The following PANK4 variants were observed in gnomAD, a reference collection of about 807,000 sequenced individuals.
PANK4 encodes the protein pantothenate kinase 4 (inactive).
PANK4 carries 40 observed loss-of-function variants against 87.9 expected under a neutral mutation model. The observed-to-expected ratio is 0.46, with a 90% CI of 0.35 to 0.59. The LOEUF is 0.59. Ranked by LOEUF, PANK4 falls within the 20% of genes least tolerant of loss-of-function variation. The pLI is 0.00. For synonymous variants in PANK4, 524 were observed against 467.4 expected (o/e 1.12, Z -1.56); for missense variants, 926 against 1,072.3 (o/e 0.86, Z 1.90).
Position 2,509,259 on chromosome 1 carries a change from G to C in PANK4, c.2109-199C>G, listed in dbSNP as rs769907408. 1.1e-4 allele frequency among the ~76,000 whole-genome samples: 16 copies of C among 152,344 alleles called. No homozygotes were observed. The highest frequency in any genetic ancestry group is 2.2e-4 in the Non-Finnish European group (15 of 68,024). ...CAGCAGCTCACACAGGGCCAGAGCAGCTGCAGCTTGGAAACTCTGCCCTAG... is the reference window on the plus strand; with the variant it reads ...CAGCAGCTCACACAGGGCCAGAGCACCTGCAGCTTGGAAACTCTGCCCTAG... On this transcript the variant is annotated intron_variant, in intron 18 of 18. Transcript: ENST00000378466. This position sits in a 1 kb window ranked among gnomAD's most constrained non-coding sequence, Gnocchi z 4.9.
intron 11 of PANK4, 119 bp from the exon 12 acceptor site, chr1:2,514,208 C>A: frequency 8.8e-7 from 1 of 1,140,146 alleles, no homozygotes; most frequent in Non-Finnish European, 1.3e-6. Context: ...CTGCTTGAGG[C>A]GGGGTCCAAG....
In PANK4 at chr1:2,519,707, T is replaced by G; in HGVS notation, c.853+94A>C. ...AAGACCCCGACTCTCCAGGGAGCAG[T>G]TGTGGGAAAGCAATGGTGGGGGAAG... On this transcript the variant is annotated intron_variant, in intron 6 of 18. Coordinates refer to ENST00000378466, the MANE Select transcript of PANK4 (RefSeq NM_018216.4). The surrounding 1 kb of genome is among the most constrained non-coding windows in gnomAD (Gnocchi z 8.3). 1 of 1,295,158 alleles carries G rather than the reference T, an allele frequency of 7.7e-7. No individual in the cohort carries two copies. The highest frequency in any genetic ancestry group is 1.0e-6 in the Non-Finnish European group (1 of 958,466). The allele number at this position is 1,295,158 out of a possible 1,614,324, so 80.2% of individuals were successfully genotyped here.
chr1:2,510,266 C>T lies in PANK4; in HGVS notation c.1939-109G>A, dbSNP rs535219964. 5.4e-5 allele frequency: 40 copies of T among 745,534 alleles called. No homozygotes were observed. Among genetic ancestry groups the T allele is most frequent in the African/African-American group, 1.9e-4 (11 of 57,858 alleles). 46.2% of individuals were successfully genotyped at this position (745,534 alleles called of 1,614,324 possible). A position where few individuals can be genotyped will look rare whatever the true frequency, so the allele number is the denominator to read the frequency against. ...GGCTGGGTGAGGGTGCTGTGCCCAG[C>T]GGGCCTGGCCAGCCACCTGCTGCTG... On this transcript the variant is annotated intron_variant, in intron 16 of 18. Transcript: ENST00000378466. This position sits in a 1 kb window ranked among gnomAD's most constrained non-coding sequence, Gnocchi z 4.9.
chr1:2,522,554 G>C (rs1311374547), intron 1 of PANK4, among the ~76,000 whole-genome samples: 1 of 152,184 alleles, frequency 6.6e-6, no homozygotes, highest in Non-Finnish European at 1.5e-5. Context: ...CTTGAAGAAG[G>C]CCTTTTCAAG....
At position 2,519,276 on chromosome 1, in the gene PANK4, TTGC is replaced by T. The variant is rs762819147; in HGVS notation, c.899_901del (p.Ser300del). The T allele has an allele frequency of 2.5e-6, 4 of 1,612,230 alleles. No individual in the cohort carries two copies. The highest frequency in any genetic ancestry group is 3.4e-6 in the Non-Finnish European group (4 of 1,179,548). ...GAGGCAGGCCAGCTGCCCAATGTCG[TTGC>T]TGATCATGTGCAGCAGGCTCTTCGC... is the stretch of plus-strand genomic sequence containing the variant. On this transcript the variant is annotated inframe_deletion, in exon 7 of 19. Transcript: ENST00000378466. This position sits in a 1 kb window ranked among gnomAD's most constrained non-coding sequence, Gnocchi z 8.3.
rs1424293633 is a variant in PANK4 at position 2,510,626 on chromosome 1, C to A, written c.1938+52G>T. On this transcript the variant is annotated intron_variant, in intron 16 of 18. Coordinates refer to ENST00000378466, the MANE Select transcript of PANK4 (RefSeq NM_018216.4). The surrounding 1 kb of genome is among the most constrained non-coding windows in gnomAD (Gnocchi z 4.9). ...AGGCCCACAGCGGCGCCAACCCCAC[C>A]GAGAGCAGAGAAGCCCAGGGGAAGG... 2.7e-6 allele frequency: 3 copies of A among 1,118,664 alleles called. No homozygotes were observed. Among genetic ancestry groups the A allele is most frequent in the Non-Finnish European group, 4.1e-6 (3 of 739,292 alleles). 69.3% of individuals were successfully genotyped at this position (1,118,664 alleles called of 1,614,324 possible).
chr1:2,518,164 A>G lies in PANK4; in HGVS notation c.1218T>C (p.Thr406=), dbSNP rs780300112. 1.3e-6 allele frequency: 2 copies of G among 1,597,410 alleles called. No homozygotes were observed. Among genetic ancestry groups the G allele is most frequent in the East Asian group, 2.2e-5 (1 of 44,754 alleles). The change falls in exon 9 of 19, where the codon ACT becomes ACC. Residue 406 remains threonine (T), a splice_region_variant and synonymous_variant. Coordinates refer to ENST00000378466, the MANE Select transcript of PANK4 (RefSeq NM_018216.4). ...LGPAQRARSG[T]FDLLEMDRLE... ...GGGGCGGCCAGAGCCCACTACTCACAGTGCCACTCCGCGCCCGCTGCGCCG... is the reference window on the plus strand; with the variant it reads ...GGGGCGGCCAGAGCCCACTACTCACGGTGCCACTCCGCGCCCGCTGCGCCG...
rs779490735 is a variant in PANK4, at chr1:2,508,907, G to C, written c.2262C>G (p.Ala754=). 35 of 1,609,756 alleles carry C rather than the reference G, an allele frequency of 2.2e-5. No individual in the cohort carries two copies. The highest frequency in any genetic ancestry group is 5.3e-5 in the African/African-American group (4 of 74,826). ...KLAVIKNAWL[A]ERLGGRLFSV... ...TGAAGAGCCGGCCGCCCAGCCGCTC[G>C]GCCAGCCACGCGTTCTTGATGACGG... The change falls in exon 19 of 19, where the codon GCC becomes GCG. Residue 754 remains alanine (A), a synonymous_variant. Transcript: ENST00000378466. The surrounding 1 kb of genome is among the most constrained non-coding windows in gnomAD (Gnocchi z 5.1).
At chr1:2,514,544 C>T (rs1042459965) in intron 10 of PANK4, 78 bp from the exon 11 acceptor site, 85 of 116,244 alleles carry the variant, frequency 7.3e-4, no homozygotes, top group Admixed American at 8.2e-4. Context: ...GCAGGGGGCT[C>T]GGGGAAGGGT....
rs953674418 is a variant in PANK4, at chr1:2,508,775, G to A, written c.*72C>T. ...ACCATATAAATACGTTGATTTGAAC[G>A]CAGTTTCCCTGTGGTGGTAAAAACA... is the stretch of plus-strand genomic sequence containing the variant. On this transcript the variant is annotated 3_prime_UTR_variant, in exon 19 of 19. Coordinates refer to ENST00000378466, the MANE Select transcript of PANK4 (RefSeq NM_018216.4). This position sits in a 1 kb window ranked among gnomAD's most constrained non-coding sequence, Gnocchi z 5.1. 41 of 896,248 alleles carry A rather than the reference G, an allele frequency of 4.6e-5. No individual in the cohort carries two copies. Among genetic ancestry groups the A allele is most frequent in the South Asian group, 3.8e-4 (26 of 67,920 alleles). The allele number at this position is 896,248 out of a possible 1,614,324, so 55.5% of individuals were successfully genotyped here.
At position 2,510,307 on chromosome 1, in the gene PANK4, G is replaced by A. The variant is rs1017466490; in HGVS notation, c.1939-150C>T. 3.1e-5 allele frequency: 20 copies of A among 646,542 alleles called. No individual in the cohort carries two copies. The highest frequency in any genetic ancestry group is 4.5e-5 in the Non-Finnish European group (16 of 353,928). The allele number at this position is 646,542 out of a possible 1,614,324, so 40.1% of individuals were successfully genotyped here. A position where few individuals can be genotyped will look rare whatever the true frequency, so the allele number is the denominator to read the frequency against. ...CCTGCTGCTGAGGAGCAGGGACCTC[G>A]CCTGACCTTGCCACTCTGTGGCCCC... On this transcript the variant is annotated intron_variant, in intron 16 of 18. Transcript: ENST00000378466. This position sits in a 1 kb window ranked among gnomAD's most constrained non-coding sequence, Gnocchi z 4.9.
Position 2,526,497 on chromosome 1 carries a change from G to C in PANK4, c.91C>G (p.Leu31Val). 6.3e-7 allele frequency: 1 copy of C among 1,583,520 alleles called. No homozygotes were observed. The highest frequency in any genetic ancestry group is 1.1e-5 in the South Asian group (1 of 88,158). ...TLPPDEIFRN[L>V]ENAKRFAIDI... is the part of the protein sequence containing the mutation. ...ATGGCGAAGCGCTTGGCGTTCTCCAGGTTGCGGAAGATCTCGTCGGGGGGC... is the reference window on the plus strand; with the variant it reads ...ATGGCGAAGCGCTTGGCGTTCTCCACGTTGCGGAAGATCTCGTCGGGGGGC... The change falls in exon 1 of 19, where the codon CTG (leucine) becomes GTG (valine). Residue 31 changes from leucine to valine, a missense_variant. Leu to Val is a conservative substitution (Grantham distance 32). Transcript: ENST00000378466.
chr1:2,521,029 C>T (rs1358847354), intron 3 of PANK4, 72 bp downstream of exon 3: 62 of 1,536,628 alleles, frequency 4.0e-5, no homozygotes, highest in Non-Finnish European at 4.3e-5. Context: ...GCGCCAGGGA[C>T]GCGGCTCTGG....
intron 1 of PANK4, chr1:2,526,073 AG>A (rs1460899175): frequency 6.6e-6 from 1 of 152,382 alleles, no homozygotes; most frequent in Non-Finnish European, 1.5e-5. Context: ...CCACCAGCCA[AG>A]CGGCGGAGCC....
In PANK4 at chr1:2,515,995, A is replaced by C; in HGVS notation, c.1219-278T>G. 1.9e-6 allele frequency: 1 copy of C among 523,482 alleles called. No individual in the cohort carries two copies. Among genetic ancestry groups the C allele is most frequent in the Non-Finnish European group, 3.4e-6 (1 of 290,722 alleles). 32.4% of individuals were successfully genotyped at this position (523,482 alleles called of 1,614,324 possible). On this transcript the variant is annotated intron_variant, in intron 9 of 18. Transcript: ENST00000378466. The surrounding 1 kb of genome is among the most constrained non-coding windows in gnomAD (Gnocchi z 5.0). ...CTCCCCGCTGCAGCCACACCTCCCCAATCACCGCTGCAGTCACCCTCCCAT... is the reference window on the plus strand; with the variant it reads ...CTCCCCGCTGCAGCCACACCTCCCCCATCACCGCTGCAGTCACCCTCCCAT...
Position 2,513,055 on chromosome 1 carries a change from G to A in PANK4, c.1576-16C>T, listed in dbSNP as rs762543642. On this transcript the variant is annotated splice_polypyrimidine_tract_variant and intron_variant, in intron 12 of 18. Transcript: ENST00000378466. ...GCTGCTTCACCTGTGGAGAGTGCCAGATGCCAGGCCTGAGTGAAGACGTGG... is the reference window on the plus strand; with the variant it reads ...GCTGCTTCACCTGTGGAGAGTGCCAAATGCCAGGCCTGAGTGAAGACGTGG... The A allele has an allele frequency of 1.3e-6, 2 of 1,582,004 alleles. No individual in the cohort carries two copies. The highest frequency in any genetic ancestry group is 1.7e-5 in the Admixed American group (1 of 58,008).
rs1570539396 is a variant in PANK4, at chr1:2,515,964, C to T, written c.1219-247G>A. 5 of 568,992 alleles carry T rather than the reference C, an allele frequency of 8.8e-6. No individual in the cohort carries two copies. The South Asian group carries it at 1.0e-4, about 12-fold the overall frequency. 35.2% of individuals were successfully genotyped at this position (568,992 alleles called of 1,614,324 possible). A position where few individuals can be genotyped will look rare whatever the true frequency, so the allele number is the denominator to read the frequency against. On this transcript the variant is annotated intron_variant, in intron 9 of 18. Coordinates refer to ENST00000378466, the MANE Select transcript of PANK4 (RefSeq NM_018216.4). This position sits in a 1 kb window ranked among gnomAD's most constrained non-coding sequence, Gnocchi z 5.0. ...GCTCCCACCACACGCCTCCTGCCCC[C>T]AGCACCTCCCCGCTGCAGCCACACC...
intron 1 of PANK4, among the ~76,000 whole-genome samples, chr1:2,523,869 C>T (rs892249754): frequency 2.0e-5 from 3 of 152,232 alleles, no homozygotes; most frequent in African/African-American, 4.8e-5. Flanking sequence ...GGCGGCTCTC[C>T]GGGCTGCCCG....
rs752598518 is a variant in PANK4 at position 2,512,701 on chromosome 1, C to T, written c.1727+187G>A. 69 of 618,378 alleles carry T rather than the reference C, an allele frequency of 1.1e-4. 1 individual carries two copies. Among genetic ancestry groups the T allele is most frequent in the Non-Finnish European group, 1.6e-4 (56 of 349,856 alleles). The allele number at this position is 618,378 out of a possible 1,614,324, so 38.3% of individuals were successfully genotyped here. A position where few individuals can be genotyped will look rare whatever the true frequency, so the allele number is the denominator to read the frequency against. On this transcript the variant is annotated intron_variant, in intron 13 of 18. Transcript: ENST00000378466. ...CAGAACCTGAGGGGACAGACAAGGG[C>T]GCTGCGCCCTGCCCAGCCCCTGGCG...
Sources: allele counts gnomAD v4.1 joint callset (sites outside exome capture counted in the v4.1 genomes callset), GRCh38; gene constraint gnomAD v4.1.1; non-coding constraint Gnocchi (gnomAD v3.1); transcripts MANE v1.5; gene names NCBI Gene and HGNC (gene_info 2026-07-23, HGNC 2026-07-21).